IL34: variants seen among roughly 807,000 people sequenced by gnomAD.
The protein encoded by IL34 is interleukin 34, also known as interleukin-34.
IL34 carries 17 observed loss-of-function variants against 25.3 expected under a neutral mutation model. That is an observed-to-expected ratio of 0.67 (90% CI 0.46 to 1.01). The LOEUF is 1.01. IL34 is among the 50% of genes least tolerant of loss of function. The pLI is 0.00. For synonymous variants in IL34, 174 were observed against 140.9 expected (o/e 1.23, Z -1.66); for missense variants, 368 against 312.9 (o/e 1.18, Z -1.33).
At chr16:70,631,780 T>G (rs2051523600) in intron 1 of IL34, among the ~76,000 whole-genome samples, 1 of 152,220 alleles carries the variant, frequency 6.6e-6, no homozygotes, top group Admixed American at 6.5e-5. Context: ...AGACGGTCCC[T>G]GCTGTGCAGC....
chr16:70,611,792 C>T lies in IL34; in HGVS notation c.-401+31743C>T, dbSNP rs138636181. Among the ~76,000 whole-genome samples, 1,436 of 151,702 alleles carry T rather than the reference C, an allele frequency of 9.5e-3. 30 individuals are homozygous for T. Among genetic ancestry groups the T allele is most frequent in the African/African-American group, 0.033 (1,363 of 41,302 alleles). ...CCAAGAGGCAGAGGTTGCAGTGAGC[C>T]GAGATCACACCACTGCACTGCAGCC... is the stretch of plus-strand genomic sequence containing the variant. On this transcript the variant is annotated intron_variant, in intron 1 of 6. Transcript: ENST00000429149.
intron 4 of IL34, 94 bp from the exon 5 acceptor site, chr16:70,659,524 G>C (rs2151888010): frequency 1.4e-6 from 2 of 1,451,136 alleles, no homozygotes; most frequent in South Asian, 3.0e-5. Context: ...TTCTTCCGGG[G>C]TTTGGGCAGC....
At chr16:70,628,406 A>AT (rs1192691176) in intron 1 of IL34, among the ~76,000 whole-genome samples, 1 of 151,404 alleles carries the variant, frequency 6.6e-6, no homozygotes. Flanking sequence ...ATTTCTAGGT[A>AT]TTTTACATTT....
chr16:70,627,544 C>T (rs927325250), intron 1 of IL34, among the ~76,000 whole-genome samples: 1 of 150,348 alleles, frequency 6.7e-6, no homozygotes, highest in African/African-American at 2.4e-5. Flanking sequence ...CACAGTGGTG[C>T]TATCTAGGCT....
At chr16:70,627,234 T>C (rs2051413864) in intron 1 of IL34, among the ~76,000 whole-genome samples, 1 of 152,170 alleles carries the variant, frequency 6.6e-6, no homozygotes, top group African/African-American at 2.4e-5. Context: ...TAACATCTAA[T>C]ATCTAATTAC....
rs190335701 is a variant in IL34, at chr16:70,607,140, C to A, written c.-401+27091C>A. 4.0e-3 allele frequency among the ~76,000 whole-genome samples: 610 copies of A among 151,760 alleles called. 7 individuals carry two copies. The highest frequency in any genetic ancestry group is 0.014 in the African/African-American group (590 of 41,366). On this transcript the variant is annotated intron_variant, in intron 1 of 6. Transcript: ENST00000429149. ...TTTTTGAGACAGAGTCTCGCTCAGT[C>A]GCCCAGGCTGGAGTGCAGTGGCTCG...
chr16:70,595,963 A>G (rs1392451883), intron 1 of IL34, among the ~76,000 whole-genome samples: 1 of 151,388 alleles, frequency 6.6e-6, no homozygotes, highest in African/African-American at 2.4e-5. Flanking sequence ...GTGAGCTGAG[A>G]TTGTGCCACT....
intron 1 of IL34, among the ~76,000 whole-genome samples, chr16:70,588,306 C>G (rs1464140911): frequency 6.6e-6 from 1 of 151,736 alleles, no homozygotes; most frequent in Non-Finnish European, 1.5e-5. Context: ...CCAGCCTGGC[C>G]AACATGGCAA....
intron 1 of IL34, among the ~76,000 whole-genome samples, chr16:70,583,429 T>C (rs557000826): frequency 6.6e-6 from 1 of 152,252 alleles, no homozygotes; most frequent in South Asian, 2.1e-4. Flanking sequence ...GGTTTTGAGA[T>C]GCCTGTTCTT....
At chr16:70,650,835 A>G (rs1276171149) in intron 1 of IL34, among the ~76,000 whole-genome samples, 1 of 152,136 alleles carries the variant, frequency 6.6e-6, no homozygotes, top group Admixed American at 6.5e-5. Context: ...AGGGATGACA[A>G]TGTCTGCTCC....
chr16:70,591,269 C>T (rs942425882), intron 1 of IL34, among the ~76,000 whole-genome samples: 3 of 152,182 alleles, frequency 2.0e-5, no homozygotes, highest in African/African-American at 7.2e-5. Context: ...CAACTCCAAC[C>T]TGGCCCCTGA....
At chr16:70,628,789 T>TA (rs2051454019) in intron 1 of IL34, among the ~76,000 whole-genome samples, 1 of 148,610 alleles carries the variant, frequency 6.7e-6, no homozygotes, top group East Asian at 1.9e-4. Context: ...ACCTGGTCTT[T>TA]TTTTTTTTTT....
chr16:70,632,116 A>G (rs865824027), intron 1 of IL34, among the ~76,000 whole-genome samples: 4 of 147,168 alleles, frequency 2.7e-5, no homozygotes, highest in African/African-American at 7.7e-5. Context: ...AAAAAAAAAA[A>G]AAAGAGAAGA....
intron 1 of IL34, among the ~76,000 whole-genome samples, chr16:70,614,714 T>C (rs2051147783): frequency 6.6e-6 from 1 of 152,244 alleles, no homozygotes; most frequent in Admixed American, 6.5e-5. Flanking sequence ...TGTCTCACAG[T>C]GTCTTGCAAT....
chr16:70,636,029 CTTT>C (rs112235542), intron 1 of IL34, among the ~76,000 whole-genome samples: 1 of 139,974 alleles, frequency 7.1e-6, no homozygotes, highest in South Asian at 2.3e-4. Flanking sequence ...GGGTCTGTAT[CTTT>C]TTTTTTTTTT....
intron 1 of IL34, among the ~76,000 whole-genome samples, chr16:70,625,868 G>T (rs34714789): frequency 2.6e-5 from 4 of 152,308 alleles, no homozygotes; most frequent in Non-Finnish European, 4.4e-5. Flanking sequence ...GCCACTTACC[G>T]GATTTGAAAT....
intron 1 of IL34, among the ~76,000 whole-genome samples, chr16:70,597,625 G>A (rs1394297700): frequency 6.6e-6 from 1 of 152,206 alleles, no homozygotes; most frequent in Non-Finnish European, 1.5e-5. Context: ...TCAAACATAT[G>A]TATCTCTTAC....
At chr16:70,622,152 A>G (rs969256717) in intron 1 of IL34, among the ~76,000 whole-genome samples, 5 of 152,074 alleles carry the variant, frequency 3.3e-5, no homozygotes, top group African/African-American at 1.2e-4. Context: ...AGAGGGGGGA[A>G]GGCTAAACTG....
At chr16:70,600,713 G>C (rs185965094) in intron 1 of IL34, among the ~76,000 whole-genome samples, 203 of 152,322 alleles carry the variant, frequency 1.3e-3, no homozygotes, top group Non-Finnish European at 2.0e-3. Flanking sequence ...AGGTGTAACT[G>C]GTTGATATGA....
Sources: allele counts gnomAD v4.1 joint callset (sites outside exome capture counted in the v4.1 genomes callset), GRCh38; gene constraint gnomAD v4.1.1; transcripts MANE v1.5; gene names NCBI Gene and HGNC (gene_info 2026-07-23, HGNC 2026-07-21).